The following ELK3 variants were observed in gnomAD, a reference collection of about 807,000 sequenced individuals.
ELK3 encodes the protein ETS domain-containing protein Elk-3.
A neutral mutation model predicts 28.9 loss-of-function variants in ELK3; 10 were observed. The ratio of observed to expected loss-of-function variants is 0.35; its 90% CI spans 0.21 to 0.59. The LOEUF is 0.59. ELK3 is among the 20% of genes least tolerant of loss of function. ELK3 has a pLI of 0.82. For synonymous variants in ELK3, 272 were observed against 243.5 expected (o/e 1.12, Z -1.09); for missense variants, 463 against 517.3 (o/e 0.90, Z 1.02).
chr12:96,257,301 T>C (rs11108447), intron 3 of ELK3, among the ~76,000 whole-genome samples: 7,772 of 152,236 alleles, frequency 0.051, 290 homozygotes, highest in Non-Finnish European at 0.075. Context: ...ACTTCAGGGA[T>C]AGAAGGGAGA....
At position 96,247,636 on chromosome 12, in the gene ELK3, C is replaced by T. The variant is rs1444381941; in HGVS notation, c.904C>T (p.Pro302Ser). Residue 302 changes from proline (P) to serine (S), a missense_variant, in exon 3 of 5, where the codon CCC becomes TCC. Pro to Ser is a moderately conservative substitution (Grantham distance 74, BLOSUM62 -1). Transcript: ENST00000228741. The surrounding 1 kb of genome is among the most constrained non-coding windows in gnomAD (Gnocchi z 5.5). The part of the protein sequence containing the change: ...KKPKGLEISA[P>S]PLVLSGTDIG... Reference sequence around the variant, plus strand: ...ACCCAAAGGCTTGGAAATCTCAGCGCCCCCGCTGGTGCTCTCCGGCACCGA... The same window carrying T: ...ACCCAAAGGCTTGGAAATCTCAGCGTCCCCGCTGGTGCTCTCCGGCACCGA... The T allele has an allele frequency of 2.5e-6, 4 of 1,613,088 alleles. No homozygotes were observed. The highest frequency in any genetic ancestry group is 1.3e-5 in the African/African-American group (1 of 75,044).
intron 1 of ELK3, among the ~76,000 whole-genome samples, chr12:96,194,933 C>G (rs1370188713): frequency 6.9e-6 from 1 of 144,410 alleles, no homozygotes; most frequent in Non-Finnish European, 1.5e-5. Flanking sequence ...CGCCGTCGCC[C>G]GAGCTCGCGC....
chr12:96,246,321 AT>A (rs1951854933), intron 2 of ELK3, among the ~76,000 whole-genome samples: 2 of 152,330 alleles, frequency 1.3e-5, no homozygotes, highest in South Asian at 4.1e-4. Context: ...TGCTGTTCAG[AT>A]TGTATGAGAT....
rs762757477 is a variant in ELK3 at position 96,267,090 on chromosome 12, A to C, written c.1134A>C (p.Thr378=). Residue 378 remains threonine, a synonymous_variant, in exon 5 of 5, where the codon ACA becomes ACC. Coordinates refer to ENST00000228741, the MANE Select transcript of ELK3 (RefSeq NM_005230.4). ...QGPSTLFQFP[T]LLNGHMPVPI... The stretch of plus-strand genomic sequence containing the variant: ...TCTTTTGTCCCCTACAGTTCCCCAC[A>C]CTGCTTAATGGCCACATGCCAGTGC... 1 of 1,612,622 alleles carries C rather than the reference A, an allele frequency of 6.2e-7. No homozygotes were observed. The highest frequency in any genetic ancestry group is 8.5e-7 in the Non-Finnish European group (1 of 1,179,554).
Position 96,268,554 on chromosome 12 carries a change from G to A in ELK3, c.*1374G>A, listed in dbSNP as rs1053124143. 6.6e-6 allele frequency: 1 copy of A among 152,138 alleles called. No homozygotes were observed. Among genetic ancestry groups the A allele is most frequent in the Non-Finnish European group, 1.5e-5 (1 of 68,016 alleles). The allele number at this position is 152,138 out of a possible 1,614,324, so 9.4% of individuals were successfully genotyped here. On this transcript the variant is annotated 3_prime_UTR_variant, in exon 5 of 5. Coordinates refer to ENST00000228741, the MANE Select transcript of ELK3 (RefSeq NM_005230.4). ...CCACACCTGTACATGAAGAAGGAAA[G>A]TTCTAATACAAGAAAACTGAAAAGC... is the stretch of plus-strand genomic sequence containing the variant.
At chr12:96,254,817 G>T (rs993072984) in intron 3 of ELK3, among the ~76,000 whole-genome samples, 4 of 152,068 alleles carry the variant, frequency 2.6e-5, no homozygotes, top group Admixed American at 6.6e-5. Flanking sequence ...TCCTGGAGGG[G>T]GTGAGACCAC....
chr12:96,240,201 G>C (rs1001208050), intron 2 of ELK3, among the ~76,000 whole-genome samples: 1 of 152,208 alleles, frequency 6.6e-6, no homozygotes, highest in African/African-American at 2.4e-5. Context: ...CTGTGCAACT[G>C]ATCATGTTAC....
intron 1 of ELK3, among the ~76,000 whole-genome samples, chr12:96,211,487 TTGTGTGTG>T (rs201554119): frequency 1.3e-4 from 7 of 54,500 alleles, no homozygotes; most frequent in Middle Eastern, 0.011. Context: ...CATTGTGTGT[TTGTGTGTG>T]TGTGTGTGTG....
intron 2 of ELK3, among the ~76,000 whole-genome samples, chr12:96,239,912 C>G (rs754695183): frequency 6.6e-6 from 1 of 152,252 alleles, no homozygotes; most frequent in African/African-American, 2.4e-5. Flanking sequence ...TGACATGTGG[C>G]GTCTCGCCTG....
intron 2 of ELK3, among the ~76,000 whole-genome samples, chr12:96,241,817 T>A (rs1391286884): frequency 2.0e-5 from 3 of 152,200 alleles, no homozygotes. Flanking sequence ...GGTCCTCCTC[T>A]TTTGCCTGGA....
chr12:96,208,252 A>G (rs920831400), intron 1 of ELK3, among the ~76,000 whole-genome samples: 15 of 152,154 alleles, frequency 9.9e-5, no homozygotes, highest in African/African-American at 3.1e-4. Flanking sequence ...GGGTTTCGCC[A>G]TGTTGGCCAG....
chr12:96,262,687 A>T (rs1408439497), intron 4 of ELK3, among the ~76,000 whole-genome samples: 7 of 152,238 alleles, frequency 4.6e-5, no homozygotes, highest in Non-Finnish European at 1.0e-4. Context: ...TGAAAATAGC[A>T]ATTTTGAGAA....
At chr12:96,260,773 A>G (rs1016771414) in intron 4 of ELK3, among the ~76,000 whole-genome samples, 1 of 152,174 alleles carries the variant, frequency 6.6e-6, no homozygotes, top group Non-Finnish European at 1.5e-5. Flanking sequence ...CCCAAATTCT[A>G]GCTTTTCTCA....
intron 1 of ELK3, among the ~76,000 whole-genome samples, chr12:96,209,262 T>G (rs954402167): frequency 2.0e-5 from 3 of 152,216 alleles, no homozygotes; most frequent in Admixed American, 6.5e-5. Context: ...CTTTTTTTTT[T>G]GTAATGTTTC....
intron 4 of ELK3, among the ~76,000 whole-genome samples, chr12:96,264,236 T>G (rs1952013616): frequency 6.6e-6 from 1 of 152,122 alleles, no homozygotes; most frequent in Non-Finnish European, 1.5e-5. Context: ...CCTCCTGCTT[T>G]AGCTTCCTAG....
intron 2 of ELK3, among the ~76,000 whole-genome samples, chr12:96,224,294 G>A (rs984658159): frequency 2.0e-5 from 3 of 152,154 alleles, no homozygotes; most frequent in South Asian, 2.1e-4. Context: ...ATGACCGACC[G>A]AGCCATTACA....
At chr12:96,211,486 TTTGTGTGTGTG>T (rs1261646807) in intron 1 of ELK3, among the ~76,000 whole-genome samples, 76 of 133,416 alleles carry the variant, frequency 5.7e-4, no homozygotes, top group Middle Eastern at 3.7e-3. Flanking sequence ...TCATTGTGTG[TTTGTGTGTGTG>T]TGTGTGTGTG....
intron 4 of ELK3, 151 bp downstream of exon 4, chr12:96,260,004 T>G (rs1392552942): frequency 3.8e-6 from 4 of 1,053,358 alleles, no homozygotes; most frequent in Non-Finnish European, 5.1e-6. Flanking sequence ...TTGCACGCCC[T>G]TCAGAGGCAG....
At chr12:96,206,380 G>A (rs557788435) in intron 1 of ELK3, among the ~76,000 whole-genome samples, 1 of 151,556 alleles carries the variant, frequency 6.6e-6, no homozygotes, top group African/African-American at 2.4e-5. Flanking sequence ...GCAGTGGCGC[G>A]ATCTCGGCTC....
Sources: allele counts gnomAD v4.1 joint callset (sites outside exome capture counted in the v4.1 genomes callset), GRCh38; gene constraint gnomAD v4.1.1; non-coding constraint Gnocchi (gnomAD v3.1); transcripts MANE v1.5; gene names NCBI Gene and HGNC (gene_info 2026-07-23, HGNC 2026-07-21).